The following WDPCP variants were observed in gnomAD, a reference collection of about 807,000 sequenced individuals.
WDPCP encodes the protein WD repeat containing planar cell polarity effector, also known as WD repeat-containing and planar cell polarity effector protein fritz homolog.
A neutral mutation model predicts 93.1 loss-of-function variants in WDPCP; 71 were observed. The observed-to-expected ratio is 0.76, with a 90% confidence interval of 0.63 to 0.93. The LOEUF (loss-of-function observed/expected upper bound fraction) is 0.93. WDPCP is among the 40% of genes least tolerant of loss of function. WDPCP has a pLI of 0.00. For synonymous variants in WDPCP, 315 were observed against 315.0 expected, an observed-to-expected ratio of 1.00 and a Z score of 0.00; for missense variants, 844 against 887.4, an observed-to-expected ratio of 0.95 and a Z score of 0.62.
intron 10 of WDPCP, among the ~76,000 whole-genome samples, chr2:63,395,855 G>A (rs1040439784): frequency 5.3e-5 from 8 of 152,082 alleles, no homozygotes; most frequent in Admixed American, 2.0e-4. Context: ...AGCCTTCTGA[G>A]TAGCTGGGAT....
intron 9 of WDPCP, among the ~76,000 whole-genome samples, chr2:63,424,548 A>G (rs1219823249): frequency 1.3e-5 from 2 of 152,092 alleles, no homozygotes; most frequent in Admixed American, 1.3e-4. Context: ...GAGCACTTTG[A>G]CTGCCCCAAT....
At chr2:63,332,104 G>C (rs1014304596) in intron 12 of WDPCP, among the ~76,000 whole-genome samples, 2 of 149,780 alleles carry the variant, frequency 1.3e-5, no homozygotes, top group African/African-American at 2.5e-5. Context: ...GTGTGTGTGT[G>C]TGTATATATA....
chr2:63,562,845 G>A (rs1258867779), intron 1 of WDPCP, among the ~76,000 whole-genome samples: 1 of 152,114 alleles, frequency 6.6e-6, no homozygotes, highest in African/African-American at 2.4e-5. Flanking sequence ...GTGTGCTTTT[G>A]ACATGGTTTT....
intron 3 of WDPCP, chr2:63,605,870 AT>A: frequency 7.7e-7 from 1 of 1,293,440 alleles, no homozygotes; most frequent in Non-Finnish European, 1.1e-6. Flanking sequence ...ACCTGGTTTA[AT>A]TTTATTAGTT....
intron 14 of WDPCP, among the ~76,000 whole-genome samples, chr2:63,254,732 C>T (rs925320589): frequency 6.6e-6 from 1 of 151,998 alleles, no homozygotes; most frequent in African/African-American, 2.4e-5. Flanking sequence ...ATATAAAGAG[C>T]TGGATCATAA....
intron 3 of WDPCP, among the ~76,000 whole-genome samples, chr2:63,607,678 A>AAATT (rs1709562989): frequency 6.6e-6 from 1 of 151,708 alleles, no homozygotes; most frequent in African/African-American, 2.4e-5. Flanking sequence ...AAAATGCAAA[A>AAATT]AATTAGCCAG....
intron 14 of WDPCP, among the ~76,000 whole-genome samples, chr2:63,184,482 G>C (rs1674478363): frequency 6.6e-6 from 1 of 151,986 alleles, no homozygotes; most frequent in South Asian, 2.1e-4. Flanking sequence ...TATTTTAGCA[G>C]AATACAAAAT....
At chr2:63,570,702 A>G (rs1420386660) in intron 1 of WDPCP, among the ~76,000 whole-genome samples, 1 of 152,182 alleles carries the variant, frequency 6.6e-6, no homozygotes, top group African/African-American at 2.4e-5. Flanking sequence ...TGTTTCTCAT[A>G]TTTCATATTT....
At chr2:63,452,094 C>A (rs1193227074) in intron 6 of WDPCP, among the ~76,000 whole-genome samples, 1 of 152,126 alleles carries the variant, frequency 6.6e-6, no homozygotes, top group African/African-American at 2.4e-5. Flanking sequence ...CTGGCCAGGG[C>A]AATCAGGCAG....
intron 9 of WDPCP, among the ~76,000 whole-genome samples, chr2:63,413,123 A>G (rs942490776): frequency 3.9e-5 from 6 of 152,218 alleles, no homozygotes; most frequent in Non-Finnish European, 4.4e-5. Flanking sequence ...TTCAAACTAT[A>G]CTATAAGGCC....
chr2:63,338,520 C>G (rs985014100), intron 12 of WDPCP, among the ~76,000 whole-genome samples: 6 of 142,256 alleles, frequency 4.2e-5, no homozygotes, highest in Non-Finnish European at 9.1e-5. Context: ...CCACTGCACT[C>G]CAGCCTGGGC....
At chr2:63,763,460 C>T (rs1216488288) in intron 2 of WDPCP, among the ~76,000 whole-genome samples, 2 of 151,164 alleles carry the variant, frequency 1.3e-5, no homozygotes, top group Middle Eastern at 3.4e-3. Context: ...CGAGATTGCG[C>T]CACTGCATTC....
intron 12 of WDPCP, among the ~76,000 whole-genome samples, chr2:63,357,980 A>G (rs930027082): frequency 6.6e-6 from 1 of 152,214 alleles, no homozygotes; most frequent in African/African-American, 2.4e-5. Context: ...GCTGGAGGCT[A>G]TTATCCTTAG....
intron 15 of WDPCP, among the ~76,000 whole-genome samples, chr2:63,159,648 T>C (rs1194175546): frequency 1.3e-5 from 2 of 152,230 alleles, no homozygotes; most frequent in Non-Finnish European, 2.9e-5. Flanking sequence ...CAAGTTACAG[T>C]GTTCCTCTGT....
intron 2 of WDPCP, among the ~76,000 whole-genome samples, chr2:63,708,652 A>T (rs79870570): frequency 6.6e-6 from 1 of 151,704 alleles, no homozygotes; most frequent in African/African-American, 2.4e-5. Flanking sequence ...ACTGTCCGGC[A>T]CTCCCCAGTG....
intron 3 of WDPCP, chr2:63,604,636 G>T: frequency 7.4e-7 from 1 of 1,354,264 alleles, no homozygotes; most frequent in African/African-American, 1.5e-5. Flanking sequence ...GTCAAAACAG[G>T]TCCCAATTGG....
intron 17 of WDPCP, among the ~76,000 whole-genome samples, chr2:63,142,150 C>G (rs899056188): frequency 2.0e-5 from 3 of 152,198 alleles, no homozygotes; most frequent in African/African-American, 7.2e-5. Flanking sequence ...CTGCTCTCAT[C>G]TTGGCAGTTT....
intron 8 of WDPCP, among the ~76,000 whole-genome samples, chr2:63,435,300 A>G (rs1697058944): frequency 6.6e-6 from 1 of 152,176 alleles, no homozygotes; most frequent in African/African-American, 2.4e-5. Context: ...AAACTATGGT[A>G]CAGCTGTAAA....
chr2:63,283,172 G>A (rs754338601), intron 13 of WDPCP, among the ~76,000 whole-genome samples: 9 of 151,988 alleles, frequency 5.9e-5, no homozygotes, highest in Non-Finnish European at 1.0e-4. Context: ...TTTTTTAATC[G>A]CTTGTGGGAT....
Sources: allele counts gnomAD v4.1 joint callset (sites outside exome capture counted in the v4.1 genomes callset), GRCh38; gene constraint gnomAD v4.1.1; transcripts MANE v1.5; gene names NCBI Gene and HGNC (gene_info 2026-07-23, HGNC 2026-07-21).